Variants in GAN observed in about 807,000 individuals in gnomAD.
The protein encoded by GAN is epididymis secretory sperm binding protein.
Under a neutral mutation model 71.3 loss-of-function variants are expected in GAN, and 48 were observed. The ratio of observed to expected loss-of-function variants is 0.67; its 90% CI spans 0.53 to 0.86. GAN has a LOEUF of 0.86. Ranked by LOEUF, GAN falls within the 40% of genes least tolerant of loss-of-function variation. The pLI is 0.00. For synonymous variants in GAN, 386 were observed against 276.8 expected (o/e 1.39, Z -3.92); for missense variants, 928 against 770.1 (o/e 1.21, Z -2.43).
At chr16:81,352,712 A>G (rs1471691710) in intron 2 of GAN, among the ~76,000 whole-genome samples, 3 of 152,130 alleles carry the variant, frequency 2.0e-5, no homozygotes, top group South Asian at 2.1e-4. Context: ...GTTTGATTTC[A>G]TGCTTTCTCT....
chr16:81,357,703 TA>T (rs1471282599), intron 4 of GAN, 106 bp from the exon 5 acceptor site: 4 of 1,117,834 alleles, frequency 3.6e-6, no homozygotes, highest in East Asian at 4.8e-5. Context: ...CAAGGGTTTT[TA>T]AAAAATGTTT....
intron 1 of GAN, among the ~76,000 whole-genome samples, chr16:81,315,535 C>T (rs1909006182): frequency 6.6e-6 from 1 of 152,046 alleles, no homozygotes; most frequent in South Asian, 2.1e-4. Flanking sequence ...GTCCCCGGAC[C>T]CGGGCCGCGA....
intron 9 of GAN, among the ~76,000 whole-genome samples, chr16:81,370,728 C>G (rs546621110): frequency 2.0e-5 from 3 of 152,368 alleles, no homozygotes; most frequent in South Asian, 2.1e-4. Flanking sequence ...CCTTGCCAGT[C>G]TGCACCCTCT....
chr16:81,329,027 T>A (rs73585655), intron 1 of GAN, among the ~76,000 whole-genome samples: 2,661 of 152,292 alleles, frequency 0.017, 66 homozygotes, highest in African/African-American at 0.061. Context: ...ATCTTTTAAC[T>A]CTGAAGGTCA....
rs150043237 is a variant in GAN, at chr16:81,365,064, C to A, written c.1327C>A (p.Pro443Thr). 243 of 1,613,684 alleles carry A rather than the reference C, an allele frequency of 1.5e-4. No individual in the cohort carries two copies. The highest frequency in any genetic ancestry group is 2.0e-4 in the Non-Finnish European group (231 of 1,179,760). Residue 443 changes from proline to threonine, a missense_variant, in exon 8 of 11, where the codon CCC becomes ACC. Transcript: ENST00000648994. ...TTTTGAGTCTGTAGAGTGTTATGAT[C>A]CCAGGACCCAGCAGTGGACTGCCAT... ...KLFESVECYDPRTQQWTAICP... is the reference protein window; with the variant it reads ...KLFESVECYDTRTQQWTAICP...
Position 81,336,894 on chromosome 16 carries a change from G to A in GAN, c.168-14689G>A, listed in dbSNP as rs184168001. On this transcript the variant is annotated intron_variant, in intron 1 of 10. Transcript: ENST00000648994. ...CTCCCCCATTATCAGTATACCACAC[G>A]AGGGTGGTATACATTTGTTACAATT... Among the ~76,000 whole-genome samples, 51 of 151,954 alleles carry A rather than the reference G, an allele frequency of 3.4e-4. No individual in the cohort carries two copies. The East Asian group carries it at 7.5e-3, about 22-fold the overall frequency.
intron 1 of GAN, among the ~76,000 whole-genome samples, chr16:81,316,733 C>G (rs1450364232): frequency 6.6e-6 from 1 of 152,156 alleles, no homozygotes; most frequent in African/African-American, 2.4e-5. Context: ...TGCAAATTGC[C>G]GAATCCTTGC....
chr16:81,376,513 G>GTA (rs1555512686), intron 9 of GAN, among the ~76,000 whole-genome samples: 24 of 134,660 alleles, frequency 1.8e-4, no homozygotes, highest in African/African-American at 6.0e-4. Context: ...GTGTGTGTAT[G>GTA]TGTGTGTGTA....
Position 81,363,960 on chromosome 16 carries a change from G to A in GAN, c.1236+17G>A, listed in dbSNP as rs770288813. On this transcript the variant is annotated intron_variant, in intron 7 of 10. Coordinates refer to ENST00000648994, the MANE Select transcript of GAN (RefSeq NM_022041.4). ...GTCAGAAAGGTGAGGACTGCATTTTGTGATAACTAGTCTGTGTACACATTG... is the reference window on the plus strand; with the variant it reads ...GTCAGAAAGGTGAGGACTGCATTTTATGATAACTAGTCTGTGTACACATTG... 1.3e-6 allele frequency: 2 copies of A among 1,595,652 alleles called. No homozygotes were observed. The highest frequency in any genetic ancestry group is 1.7e-6 in the Non-Finnish European group (2 of 1,163,182).
At chr16:81,369,120 T>G (rs1403199661) in intron 9 of GAN, among the ~76,000 whole-genome samples, 1 of 152,232 alleles carries the variant, frequency 6.6e-6, no homozygotes, top group East Asian at 1.9e-4. Context: ...GTATATAAGT[T>G]AAATTAACTG....
intron 1 of GAN, among the ~76,000 whole-genome samples, chr16:81,341,108 G>T (rs765301028): frequency 3.3e-5 from 5 of 152,026 alleles, no homozygotes; most frequent in Non-Finnish European, 5.9e-5. Flanking sequence ...GGAGTGAAAA[G>T]AAATGAAGAA....
At chr16:81,348,964 A>G (rs1012700966) in intron 1 of GAN, among the ~76,000 whole-genome samples, 1 of 152,158 alleles carries the variant, frequency 6.6e-6, no homozygotes, top group African/African-American at 2.4e-5. Context: ...TAACCCTCTC[A>G]GTTACAATAC....
intron 1 of GAN, among the ~76,000 whole-genome samples, chr16:81,336,551 C>G (rs963661400): frequency 6.6e-6 from 1 of 152,070 alleles, no homozygotes; most frequent in African/African-American, 2.4e-5. Context: ...GTAGCCTCGA[C>G]CTACTGGGCT....
chr16:81,363,454 C>A (rs562920005), intron 6 of GAN, among the ~76,000 whole-genome samples: 1 of 147,184 alleles, frequency 6.8e-6, no homozygotes, highest in East Asian at 2.1e-4. Flanking sequence ...GAACGTGGTA[C>A]TTCCATGCTG....
At chr16:81,335,876 G>T (rs560980498) in intron 1 of GAN, among the ~76,000 whole-genome samples, 5 of 152,214 alleles carry the variant, frequency 3.3e-5, no homozygotes, top group African/African-American at 1.2e-4. Context: ...GAAATGAATA[G>T]AGAAAAATTA....
Position 81,326,175 on chromosome 16 carries a change from T to C in GAN, c.167+10895T>C, listed in dbSNP as rs1254125546. Among the ~76,000 whole-genome samples the C allele has an allele frequency of 2.6e-5, 4 of 152,314 alleles. No individual in the cohort carries two copies. The East Asian group carries it at 7.7e-4, about 29-fold the overall frequency. Reference sequence around the variant, plus strand: ...TGATTTTAAAGCCCATCATCTTTTTTGTCCAGGGCCAGGGGCACTCAGTCC... The same window carrying C: ...TGATTTTAAAGCCCATCATCTTTTTCGTCCAGGGCCAGGGGCACTCAGTCC... On this transcript the variant is annotated intron_variant, in intron 1 of 10. Transcript: ENST00000648994.
intron 3 of GAN, among the ~76,000 whole-genome samples, chr16:81,356,501 A>C (rs1212985756): frequency 6.6e-6 from 1 of 152,198 alleles, no homozygotes; most frequent in African/African-American, 2.4e-5. Context: ...TTCCTATTGA[A>C]ATGGGAATCC....
chr16:81,329,925 C>A (rs920025936), intron 1 of GAN, among the ~76,000 whole-genome samples: 3 of 152,204 alleles, frequency 2.0e-5, no homozygotes, highest in Non-Finnish European at 4.4e-5. Flanking sequence ...AACCTAGCTC[C>A]CTCCCCCAGC....
intron 9 of GAN, among the ~76,000 whole-genome samples, chr16:81,372,826 A>G (rs1488651293): frequency 6.6e-6 from 1 of 152,254 alleles, no homozygotes; most frequent in Non-Finnish European, 1.5e-5. Flanking sequence ...TTCAAACATT[A>G]TCTTTCAAAG....
Sources: allele counts gnomAD v4.1 joint callset (sites outside exome capture counted in the v4.1 genomes callset), GRCh38; gene constraint gnomAD v4.1.1; transcripts MANE v1.5; gene names NCBI Gene and HGNC (gene_info 2026-07-23, HGNC 2026-07-21).